The following RHOA variants were observed in gnomAD, a reference collection of about 807,000 sequenced individuals.
RHOA encodes transforming protein RhoA.
RHOA carries 3 observed loss-of-function variants against 17.5 expected under a neutral mutation model. The ratio of observed to expected loss-of-function variants is 0.17; its 90% CI spans 0.08 to 0.44. RHOA has a LOEUF of 0.44. RHOA is among the 20% of genes least tolerant of loss of function. The probability of loss-of-function intolerance (pLI) is 0.99; values close to 1 mark genes in which losing one functional copy is unlikely to be tolerated. For missense variants in RHOA, 56 were observed against 242.3 expected (o/e 0.23, Z 5.10); for synonymous variants, 98 against 88.4 (o/e 1.11, Z -0.61).
chr3:49,385,594 G>T (rs2048384100), intron 1 of RHOA, among the ~76,000 whole-genome samples: 5 of 151,616 alleles, frequency 3.3e-5, no homozygotes. Context: ...TTTTTATTTT[G>T]TTGAAGTCAA....
At chr3:49,407,366 C>T (rs748101361) in intron 1 of RHOA, among the ~76,000 whole-genome samples, 5 of 149,908 alleles carry the variant, frequency 3.3e-5, no homozygotes, top group Non-Finnish European at 7.4e-5. Context: ...CCTGAATAGC[C>T]GGGATTATAG....
intron 1 of RHOA, among the ~76,000 whole-genome samples, chr3:49,400,277 T>C (rs535085281): frequency 5.2e-4 from 77 of 146,952 alleles, no homozygotes; most frequent in African/African-American, 1.8e-3. Flanking sequence ...CCCCAACATC[T>C]TCCCTAGTCT....
intron 2 of RHOA, chr3:49,373,408 G>A (rs2048176749): frequency 6.3e-6 from 1 of 159,908 alleles, no homozygotes; most frequent in African/African-American, 2.4e-5. Flanking sequence ...AATATATCAA[G>A]TGTTAGCAGC....
Position 49,359,945 on chromosome 3 carries a change from A to T in RHOA, c.*264T>A, listed in dbSNP as rs1445347753. 12 of 395,232 alleles carry T rather than the reference A, an allele frequency of 3.0e-5. No homozygotes were observed. The East Asian group carries it at 4.8e-4, about 16-fold the overall frequency. The allele number at this position is 395,232 out of a possible 1,614,324, so 24.5% of individuals were successfully genotyped here. On this transcript the variant is annotated 3_prime_UTR_variant, in exon 5 of 5. Coordinates refer to ENST00000418115, the MANE Select transcript of RHOA (RefSeq NM_001664.4). Reference sequence around the variant, plus strand: ...TTCTAGAAAGAAGCAAGAAGTTAAGAAATTCCTTGAATTAGCGCCTGGTGT... The same window carrying T: ...TTCTAGAAAGAAGCAAGAAGTTAAGTAATTCCTTGAATTAGCGCCTGGTGT...
intron 1 of RHOA, among the ~76,000 whole-genome samples, chr3:49,395,900 CCA>C (rs2048607433): frequency 6.6e-6 from 1 of 152,018 alleles, no homozygotes; most frequent in Non-Finnish European, 1.5e-5. Context: ...AAACATTTCC[CCA>C]CAGTCAGCTG....
chr3:49,379,258 TAAGTGA>T (rs1559503844), intron 1 of RHOA, among the ~76,000 whole-genome samples: 2 of 152,114 alleles, frequency 1.3e-5, no homozygotes, highest in African/African-American at 4.8e-5. Context: ...AAATGTTATA[TAAGTGA>T]AAGAACCCAG....
intron 4 of RHOA, chr3:49,360,989 C>A: frequency 3.5e-6 from 1 of 287,120 alleles, no homozygotes; most frequent in Non-Finnish European, 7.2e-6. Context: ...AGGGGAATCG[C>A]TTAAATCTGG....
At chr3:49,361,460 G>C (rs2047970133) in intron 4 of RHOA, among the ~76,000 whole-genome samples, 1 of 152,198 alleles carries the variant, frequency 6.6e-6, no homozygotes, top group Non-Finnish European at 1.5e-5. Context: ...ATTGGGAGTG[G>C]AGGAGAGGGA....
chr3:49,396,111 C>A (rs2048611574), intron 1 of RHOA, among the ~76,000 whole-genome samples: 1 of 152,142 alleles, frequency 6.6e-6, no homozygotes, highest in Non-Finnish European at 1.5e-5. Context: ...AGGAAGAACA[C>A]ATTACAAGAA....
At chr3:49,376,328 G>T (rs1318198995) in intron 1 of RHOA, among the ~76,000 whole-genome samples, 5 of 152,064 alleles carry the variant, frequency 3.3e-5, no homozygotes, top group Admixed American at 6.6e-5. Flanking sequence ...CAGTAAGGTT[G>T]CAGGATACAA....
At chr3:49,369,022 T>C (rs2048106645) in intron 2 of RHOA, among the ~76,000 whole-genome samples, 1 of 59,680 alleles carries the variant, frequency 1.7e-5, no homozygotes, top group Non-Finnish European at 3.9e-5. Flanking sequence ...TTTTTTTTTT[T>C]TTTTTTTTTT....
chr3:49,362,404 G>C, intron 4 of RHOA, 92 bp downstream of exon 4: 1 of 1,389,326 alleles, frequency 7.2e-7, no homozygotes, highest in Non-Finnish European at 9.6e-7. Flanking sequence ...AAAACAACCT[G>C]GCCTGTGAAG....
At chr3:49,388,684 C>A (rs901533039) in intron 1 of RHOA, among the ~76,000 whole-genome samples, 1 of 152,168 alleles carries the variant, frequency 6.6e-6, no homozygotes, top group African/African-American at 2.4e-5. Context: ...TCCTGAAGGC[C>A]TTCTGGAGCT....
chr3:49,385,334 C>T (rs1167889881), intron 1 of RHOA, among the ~76,000 whole-genome samples: 1 of 151,372 alleles, frequency 6.6e-6, no homozygotes, highest in Admixed American at 6.6e-5. Flanking sequence ...AATTCTCCTG[C>T]CTCAGCCTCC....
At chr3:49,365,613 A>T (rs1379938480) in intron 3 of RHOA, among the ~76,000 whole-genome samples, 1 of 143,904 alleles carries the variant, frequency 6.9e-6, no homozygotes, top group African/African-American at 2.6e-5. Context: ...TTTTTGAGAC[A>T]AGAGTCTCAC....
chr3:49,390,553 C>T (rs1484852327), intron 1 of RHOA, among the ~76,000 whole-genome samples: 1 of 152,094 alleles, frequency 6.6e-6, no homozygotes, highest in Non-Finnish European at 1.5e-5. Context: ...TATGAGCCAC[C>T]ACGCCCAGCC....
At chr3:49,381,355 A>G (rs557619853) in intron 1 of RHOA, among the ~76,000 whole-genome samples, 4 of 151,462 alleles carry the variant, frequency 2.6e-5, no homozygotes, top group African/African-American at 7.3e-5. Context: ...CAGTAAGCCG[A>G]TATCTCGCCA....
At chr3:49,382,855 G>C (rs2048338857) in intron 1 of RHOA, among the ~76,000 whole-genome samples, 2 of 151,872 alleles carry the variant, frequency 1.3e-5, no homozygotes, top group South Asian at 4.2e-4. Context: ...AGGAGTTCGA[G>C]ACAAGCCTGA....
intron 1 of RHOA, among the ~76,000 whole-genome samples, chr3:49,407,047 T>G (rs2048842515): frequency 6.6e-6 from 1 of 151,888 alleles, no homozygotes; most frequent in Non-Finnish European, 1.5e-5. Flanking sequence ...CTCTAGAGAC[T>G]GAGGCACGAG....
Sources: allele counts gnomAD v4.1 joint callset (sites outside exome capture counted in the v4.1 genomes callset), GRCh38; gene constraint gnomAD v4.1.1; transcripts MANE v1.5; gene names NCBI Gene and HGNC (gene_info 2026-07-23, HGNC 2026-07-21).